The following FBXO25 variants were observed in gnomAD, a reference collection of about 807,000 sequenced individuals.
FBXO25 encodes the protein F-box only protein 25.
In FBXO25, 45 loss-of-function variants were observed where a neutral mutation model predicts 51.9. That is an observed-to-expected ratio of 0.87 (90% CI 0.68 to 1.11). FBXO25 has a LOEUF of 1.11. Among genes scored for constraint, FBXO25 ranks in the 50% most tolerant of loss-of-function variants. The pLI is 0.00. For synonymous variants in FBXO25, 199 were observed against 151.0 expected (o/e 1.32, Z -2.33); for missense variants, 507 against 428.5 (o/e 1.18, Z -1.62).
At chr8:459,057 TGAG>T (rs1351274290) in intron 8 of FBXO25, among the ~76,000 whole-genome samples, 13 of 152,162 alleles carry the variant, frequency 8.5e-5, no homozygotes, top group African/African-American at 3.1e-4. Flanking sequence ...TGTCACTCCT[TGAG>T]GCCTTTGCAG....
intron 7 of FBXO25, among the ~76,000 whole-genome samples, chr8:452,287 C>T (rs992032383): frequency 6.6e-6 from 1 of 152,194 alleles, no homozygotes; most frequent in Non-Finnish European, 1.5e-5. Flanking sequence ...ATGTAACATT[C>T]AGCGTCAGTA....
intron 9 of FBXO25, among the ~76,000 whole-genome samples, chr8:465,572 C>T (rs1234389754): frequency 6.6e-6 from 1 of 152,204 alleles, no homozygotes; most frequent in Non-Finnish European, 1.5e-5. Flanking sequence ...TTAGGCAGTA[C>T]AGATCAAGTC....
chr8:458,246 A>T, intron 7 of FBXO25, 123 bp from the exon 8 acceptor site: 1 of 1,128,848 alleles, frequency 8.9e-7, no homozygotes, highest in Non-Finnish European at 1.3e-6. Context: ...GCGACGCATG[A>T]CATGGAGAGC....
At chr8:453,084 C>G (rs566381467) in intron 7 of FBXO25, among the ~76,000 whole-genome samples, 1 of 152,196 alleles carries the variant, frequency 6.6e-6, no homozygotes, top group Admixed American at 6.5e-5. Context: ...AGCACACTTA[C>G]GTGGCAATAC....
At chr8:438,910 C>A (rs137869367) in intron 5 of FBXO25, among the ~76,000 whole-genome samples, 1 of 152,186 alleles carries the variant, frequency 6.6e-6, no homozygotes, top group Non-Finnish European at 1.5e-5. Flanking sequence ...TTTAAGTTGT[C>A]TGCGTCCCCA....
chr8:448,876 C>T (rs184273664), intron 5 of FBXO25, among the ~76,000 whole-genome samples: 92 of 152,188 alleles, frequency 6.0e-4, no homozygotes, highest in African/African-American at 2.1e-3. Context: ...ATGAGGATTC[C>T]GAAGGAGAGG....
At chr8:456,578 G>A (rs112227876) in intron 7 of FBXO25, among the ~76,000 whole-genome samples, 2,793 of 152,254 alleles carry the variant, frequency 0.018, 78 homozygotes, top group African/African-American at 0.064. Flanking sequence ...TGCCCTATGC[G>A]TGGGTCCCAT....
rs185116545 is a variant in FBXO25, at chr8:415,049, A to G, written c.134+1836A>G. Among the ~76,000 whole-genome samples the G allele has an allele frequency of 3.2e-3, 482 of 152,352 alleles. 2 individuals carry two copies. Among genetic ancestry groups the G allele is most frequent in the Non-Finnish European group, 4.8e-3 (329 of 68,032 alleles). The stretch of plus-strand genomic sequence containing the variant: ...TAACTTTGAACCTAAAATTGATTTT[A>G]AAAAGATAAGACCATATGTAATCAC... On this transcript the variant is annotated intron_variant, in intron 2 of 9. Coordinates refer to ENST00000350302, the MANE Select transcript of FBXO25 (RefSeq NM_183420.2).
intron 5 of FBXO25, among the ~76,000 whole-genome samples, chr8:448,954 CAGA>C (rs1798903181): frequency 2.0e-5 from 3 of 152,180 alleles, no homozygotes; most frequent in Admixed American, 2.0e-4. Flanking sequence ...TTCTAAATTT[CAGA>C]AGAACTACAG....
At chr8:454,633 A>C (rs1461555006) in intron 7 of FBXO25, among the ~76,000 whole-genome samples, 1 of 152,154 alleles carries the variant, frequency 6.6e-6, no homozygotes, top group African/African-American at 2.4e-5. Context: ...GGCTCACGCC[A>C]GTAGTCCCAG....
At chr8:435,076 C>T (rs1417168390) in intron 4 of FBXO25, among the ~76,000 whole-genome samples, 2 of 152,158 alleles carry the variant, frequency 1.3e-5, no homozygotes. Flanking sequence ...CAGCCCTGAT[C>T]CTTGTGGTTG....
At chr8:447,818 A>C (rs1282938267) in intron 5 of FBXO25, among the ~76,000 whole-genome samples, 1 of 152,220 alleles carries the variant, frequency 6.6e-6, no homozygotes, top group African/African-American at 2.4e-5. Context: ...CATCATGTCC[A>C]TGCTCAAAAA....
Position 474,193 on chromosome 8 carries a change from T to G in FBXO25, c.*5389T>G, listed in dbSNP as rs1259007529. 6.2e-6 allele frequency: 1 copy of G among 162,284 alleles called. No homozygotes were observed. Among genetic ancestry groups the G allele is most frequent in the Non-Finnish European group, 1.3e-5 (1 of 75,790 alleles). The allele number at this position is 162,284 out of a possible 1,614,324, so 10.1% of individuals were successfully genotyped here. ...GACTTCTGTAGGGACCTCGTATGAG[T>G]GGAACCAGAAGGGATTTGTCCTTTT... On this transcript the variant is annotated 3_prime_UTR_variant, in exon 10 of 10. Coordinates refer to ENST00000350302, the MANE Select transcript of FBXO25 (RefSeq NM_183420.2).
chr8:456,933 G>A (rs187938801), intron 7 of FBXO25, among the ~76,000 whole-genome samples: 33 of 152,248 alleles, frequency 2.2e-4, no homozygotes, highest in African/African-American at 7.7e-4. Flanking sequence ...CTCTCCCTAC[G>A]CTCCACTCTC....
At chr8:452,219 T>C (rs1799141640) in intron 7 of FBXO25, among the ~76,000 whole-genome samples, 1 of 152,224 alleles carries the variant, frequency 6.6e-6, no homozygotes. Flanking sequence ...CATCTAAATA[T>C]GGGATTTACA....
Position 470,163 on chromosome 8 carries a change from TG to T in FBXO25, c.*1361del, listed in dbSNP as rs1800433705. ...TATTAGCTCCACAGAATCACCCAGA[TG>T]GAACAGGCTTTTTCATCACAACATA... On this transcript the variant is annotated 3_prime_UTR_variant, in exon 10 of 10. Coordinates refer to ENST00000350302, the MANE Select transcript of FBXO25 (RefSeq NM_183420.2). The T allele has an allele frequency of 6.6e-6, 1 of 152,138 alleles. No homozygotes were observed. Among genetic ancestry groups the T allele is most frequent in the African/African-American group, 2.4e-5 (1 of 41,426 alleles). 9.4% of individuals were successfully genotyped at this position (152,138 alleles called of 1,614,324 possible). A position where few individuals can be genotyped will look rare whatever the true frequency, so the allele number is the denominator to read the frequency against.
intron 8 of FBXO25, among the ~76,000 whole-genome samples, chr8:459,125 CCTCT>C (rs1167137601): frequency 2.0e-5 from 3 of 152,212 alleles, no homozygotes; most frequent in Non-Finnish European, 4.4e-5. Flanking sequence ...TGTTCCTGGG[CCTCT>C]GCAGAAACTG....
intron 8 of FBXO25, among the ~76,000 whole-genome samples, chr8:461,944 A>G (rs935446056): frequency 2.6e-5 from 4 of 152,246 alleles, no homozygotes; most frequent in Non-Finnish European, 5.9e-5. Context: ...GGCTTTTACA[A>G]ATAATGCTGC....
At chr8:431,774 A>T (rs1284160855) in intron 3 of FBXO25, among the ~76,000 whole-genome samples, 1 of 152,248 alleles carries the variant, frequency 6.6e-6, no homozygotes, top group Non-Finnish European at 1.5e-5. Flanking sequence ...GTCACTGAAG[A>T]TTCAGAGCAG....
Sources: allele counts gnomAD v4.1 joint callset (sites outside exome capture counted in the v4.1 genomes callset), GRCh38; gene constraint gnomAD v4.1.1; transcripts MANE v1.5; gene names NCBI Gene and HGNC (gene_info 2026-07-23, HGNC 2026-07-21).